Variants in KCNQ2 observed in about 807,000 individuals in gnomAD.
KCNQ2 encodes the protein potassium voltage-gated channel subfamily Q member 2.
In KCNQ2, 14 loss-of-function variants were observed where a neutral mutation model predicts 84.8. That is an observed-to-expected ratio of 0.17 (90% CI 0.11 to 0.26). The LOEUF (loss-of-function observed/expected upper bound fraction) is 0.26. Among genes scored for constraint, KCNQ2 ranks in the 10% least tolerant of loss-of-function variants. KCNQ2 has a pLI of 1.00. For synonymous variants in KCNQ2, 599 were observed against 554.1 expected, an observed-to-expected ratio of 1.08 and a Z score of -1.14; for missense variants, 788 against 1,254.0, an observed-to-expected ratio of 0.63 and a Z score of 5.61.
rs578066239 is a variant in KCNQ2 at position 63,452,347 on chromosome 20, G to A, written c.297-5510C>T. ...GGGCAGCAGGCTGGAAACTCAGCAC[G>A]ACTTCCATGTTGCGGTCTTGAGGAA... On this transcript the variant is annotated intron_variant, in intron 1 of 16. Coordinates refer to ENST00000359125, the MANE Select transcript of KCNQ2 (RefSeq NM_172107.4). Among the ~76,000 whole-genome samples, 10 of 152,336 alleles carry A rather than the reference G, an allele frequency of 6.6e-5. No individual in the cohort carries two copies. In the South Asian group the frequency reaches 8.3e-4, roughly 13 times the overall value.
At chr20:63,467,537 C>A (rs1286730369) in intron 1 of KCNQ2, among the ~76,000 whole-genome samples, 2 of 151,532 alleles carry the variant, frequency 1.3e-5, no homozygotes, top group African/African-American at 4.9e-5. Flanking sequence ...GAATGTCACT[C>A]CTACAGGGCA....
intron 4 of KCNQ2, among the ~76,000 whole-genome samples, chr20:63,443,156 G>GT (rs2081283011): frequency 1.5e-5 from 1 of 67,548 alleles, no homozygotes; most frequent in Non-Finnish European, 2.8e-5. Context: ...ACCATCACCG[G>GT]CGCCACCACC....
rs573383229 is a variant in KCNQ2 at position 63,451,785 on chromosome 20, G to A, written c.297-4948C>T. ...GCCCCCTGCAGCCCCCCTCCCACTC[G>A]CTGGAGACCCCCAAGTCCAGGCAGC... On this transcript the variant is annotated intron_variant, in intron 1 of 16. Transcript: ENST00000359125. Among the ~76,000 whole-genome samples, 392 of 152,204 alleles carry A rather than the reference G, an allele frequency of 2.6e-3. 3 individuals carry two copies. The highest frequency in any genetic ancestry group is 9.0e-3 in the African/African-American group (374 of 41,522).
At chr20:63,470,015 T>A (rs2082173745) in intron 1 of KCNQ2, among the ~76,000 whole-genome samples, 1 of 152,164 alleles carries the variant, frequency 6.6e-6, no homozygotes, top group Non-Finnish European at 1.5e-5. Context: ...AGCAGTGGTG[T>A]TCACAAAGCC....
Position 63,445,285 on chromosome 20 carries a change from C to T in KCNQ2, c.467G>A (p.Gly156Asp). The T allele has an allele frequency of 6.2e-7, 1 of 1,613,918 alleles. No homozygotes were observed. The highest frequency in any genetic ancestry group is 8.5e-7 in the Non-Finnish European group (1 of 1,180,032). Residue 156 changes from glycine to aspartate, a missense_variant, in exon 3 of 17, where the codon GGC becomes GAC. By Grantham distance (94) the Gly-to-Asp change is moderately conservative (BLOSUM62 -1). Around this residue, in one of 8 missense-constraint regions of KCNQ2, gnomAD observed 106 missense variants for 214.8 expected, o/e 0.49. Coordinates refer to ENST00000359125, the MANE Select transcript of KCNQ2 (RefSeq NM_172107.4). Reference protein sequence around the residue: ...WAAGCCCRYRGWRGRLKFARK... With the variant: ...WAAGCCCRYRDWRGRLKFARK... ...GGCAAACTTGAGCCGCCCCCTCCAGCCACGGTACCGGCAGCAGCAGCCTGC... is the reference window on the plus strand; with the variant it reads ...GGCAAACTTGAGCCGCCCCCTCCAGTCACGGTACCGGCAGCAGCAGCCTGC...
At chr20:63,462,583 G>T (rs1393217932) in intron 1 of KCNQ2, among the ~76,000 whole-genome samples, 2 of 152,236 alleles carry the variant, frequency 1.3e-5, no homozygotes, top group Non-Finnish European at 2.9e-5. Context: ...TTCAATGACA[G>T]GAAAAGTGAG....
At chr20:63,416,801 A>C (rs1322810189) in intron 12 of KCNQ2, among the ~76,000 whole-genome samples, 1 of 151,936 alleles carries the variant, frequency 6.6e-6, no homozygotes, top group East Asian at 1.9e-4. Context: ...CACAGACATG[A>C]GAGCCCACCG....
intron 15 of KCNQ2, among the ~76,000 whole-genome samples, chr20:63,412,976 T>C (rs1016330279): frequency 6.6e-6 from 1 of 152,208 alleles, no homozygotes; most frequent in Non-Finnish European, 1.5e-5. Context: ...GTAGCATAAC[T>C]GATGCCTGGT....
At chr20:63,421,924 T>A (rs1464507852) in intron 11 of KCNQ2, among the ~76,000 whole-genome samples, 1 of 152,082 alleles carries the variant, frequency 6.6e-6, no homozygotes, top group East Asian at 1.9e-4. Flanking sequence ...ACAGCCCCAG[T>A]GGTCCCTACG....
In KCNQ2 at chr20:63,428,172, C is replaced by T. The variant is rs551361303; in HGVS notation, c.1217+195G>A. On this transcript the variant is annotated intron_variant, in intron 10 of 16. Transcript: ENST00000359125. The stretch of plus-strand genomic sequence containing the variant: ...TGCCCGTCCCCCGAACCAGCTGCCC[C>T]TCTGGGGGTGGGAGCCCAGACCAGG... Among the ~76,000 whole-genome samples the T allele has an allele frequency of 4.6e-5, 7 of 152,320 alleles. No individual in the cohort carries two copies. In the South Asian group the frequency reaches 8.3e-4, roughly 18 times the overall value.
chr20:63,464,346 G>A lies in KCNQ2; in HGVS notation c.296+7822C>T, dbSNP rs146545790. Among the ~76,000 whole-genome samples the A allele has an allele frequency of 8.5e-3, 1,290 of 151,872 alleles. 68 individuals are homozygous for A. Among genetic ancestry groups the A allele is most frequent in the Admixed American group, 0.079 (1,209 of 15,272 alleles). The stretch of plus-strand genomic sequence containing the variant: ...GGGTGGAGGGGCCGCCAAGTGCCCC[G>A]AGGCCTCGGGGCAGGTACCTTAGCC... On this transcript the variant is annotated intron_variant, in intron 1 of 16. Transcript: ENST00000359125.
chr20:63,452,563 G>A (rs2081644683), intron 1 of KCNQ2, among the ~76,000 whole-genome samples: 2 of 152,254 alleles, frequency 1.3e-5, no homozygotes, highest in South Asian at 4.1e-4. Flanking sequence ...TGGCGCAGCT[G>A]CGTGTATACA....
In KCNQ2 at chr20:63,418,387, C is replaced by T. The variant is rs375473094; in HGVS notation, c.1301+1232G>A. On this transcript the variant is annotated intron_variant, in intron 12 of 16. Coordinates refer to ENST00000359125, the MANE Select transcript of KCNQ2 (RefSeq NM_172107.4). ...CTCCCAATGGTGAAATTCAGATGTG[C>T]GGTGCCCGCAGGAAACAGGAGGCTG... 6.4e-4 allele frequency among the ~76,000 whole-genome samples: 97 copies of T among 152,350 alleles called. 4 individuals carry two copies. In the South Asian group the frequency reaches 0.019, roughly 29 times the overall value.
At chr20:63,432,206 A>C (rs375849959) in intron 8 of KCNQ2, among the ~76,000 whole-genome samples, 404 of 76,604 alleles carry the variant, frequency 5.3e-3, no homozygotes, top group Middle Eastern at 0.012. Flanking sequence ...TCTGGGAAGG[A>C]TCCACCCACA....
rs767715045 is a variant in KCNQ2 at position 63,445,229 on chromosome 20, A to G, written c.514+9T>C. 6.2e-7 allele frequency: 1 copy of G among 1,613,854 alleles called. No homozygotes were observed. Among genetic ancestry groups the G allele is most frequent in the Non-Finnish European group, 8.5e-7 (1 of 1,180,002 alleles). ...TGATTCTAGCAATACCACCCCCACC[A>G]GGCCTCACCAATCACACAGAACGGT... On this transcript the variant is annotated intron_variant, in intron 3 of 16. Transcript: ENST00000359125.
In KCNQ2 at chr20:63,462,607, T is replaced by C. The variant is rs112646774; in HGVS notation, c.296+9561A>G. Among the ~76,000 whole-genome samples the C allele has an allele frequency of 2.9e-3, 440 of 152,340 alleles. 6 individuals carry two copies. The highest frequency in any genetic ancestry group is 9.6e-3 in the African/African-American group (400 of 41,580). ...AGGAAAAGTGAGTGTTAAACTTCTC[T>C]GCATATTTGGTCCTTTGGGATGAGA... is the stretch of plus-strand genomic sequence containing the variant. On this transcript the variant is annotated intron_variant, in intron 1 of 16. Coordinates refer to ENST00000359125, the MANE Select transcript of KCNQ2 (RefSeq NM_172107.4).
intron 7 of KCNQ2, 133 bp from the exon 8 acceptor site, chr20:63,434,036 C>T (rs1600733228): frequency 9.9e-6 from 7 of 705,574 alleles, no homozygotes; most frequent in Non-Finnish European, 1.7e-5. Flanking sequence ...TCTGGGCCAG[C>T]AGGCCAGGCC....
intron 15 of KCNQ2, among the ~76,000 whole-genome samples, chr20:63,413,050 C>T (rs2080169159): frequency 6.6e-6 from 1 of 152,286 alleles, no homozygotes; most frequent in East Asian, 1.9e-4. Flanking sequence ...AACACACATG[C>T]ACACATGTGT....
In KCNQ2 at chr20:63,411,315, G is replaced by A. The variant is rs920078659; in HGVS notation, c.1763+2135C>T. Among the ~76,000 whole-genome samples the A allele has an allele frequency of 4.6e-5, 7 of 152,336 alleles. No individual in the cohort carries two copies. The East Asian group carries it at 5.8e-4, about 13-fold the overall frequency. On this transcript the variant is annotated intron_variant, in intron 15 of 16. Transcript: ENST00000359125. ...CAGGGCCCAGGTCTGGGCCGTGCAC[G>A]TGGCCAGGCCCACCCCCACAGTGGG...
Sources: allele counts gnomAD v4.1 joint callset (sites outside exome capture counted in the v4.1 genomes callset), GRCh38; gene constraint gnomAD v4.1.1; regional missense constraint gnomAD v4.1.1; transcripts MANE v1.5; gene names NCBI Gene and HGNC (gene_info 2026-07-23, HGNC 2026-07-21).